AAAS: variants seen among roughly 807,000 people sequenced by gnomAD.
The protein encoded by AAAS is aladin WD repeat nucleoporin.
In AAAS, 60 loss-of-function variants were observed where a neutral mutation model predicts 75.6. That is an observed-to-expected ratio of 0.79 (90% confidence interval 0.64 to 0.98). AAAS has a LOEUF of 0.98. Among genes scored for constraint, AAAS ranks in the 50% least tolerant of loss-of-function variants. The pLI, the probability that AAAS is intolerant of heterozygous loss-of-function variation, is 0.00. For synonymous variants in AAAS, 271 were observed against 265.0 expected (o/e 1.02, Z -0.22); for missense variants, 658 against 686.9 (o/e 0.96, Z 0.47).
Position 53,320,658 on chromosome 12 carries a change from TC to T in AAAS, c.157del (p.Asp53IlefsTer3). 6.2e-7 allele frequency: 1 copy of T among 1,614,154 alleles called. No individual in the cohort carries two copies. The highest frequency in any genetic ancestry group is 8.5e-7 in the Non-Finnish European group (1 of 1,180,030). ...INLPVLQLTK[D>X]PLKTPGRLDH... is the part of the protein sequence containing the mutation. ...CAGCCTTCCAGGGGTCTTTAGGGGA[TC>T]CTTTGTCAGTTGTAGGACAGGAAGA... On this transcript the variant is annotated frameshift_variant, in exon 2 of 16. Coordinates refer to ENST00000209873, the MANE Select transcript of AAAS (RefSeq NM_015665.6). LOFTEE classifies it high-confidence loss of function.
At chr12:53,317,025 G>A (rs936916407) in intron 2 of AAAS, among the ~76,000 whole-genome samples, 2 of 152,084 alleles carry the variant, frequency 1.3e-5, no homozygotes, top group African/African-American at 4.8e-5. Context: ...TGACAATGCA[G>A]TGAGCCGTGT....
At chr12:53,312,130 T>C (rs560695918) in intron 7 of AAAS, among the ~76,000 whole-genome samples, 22 of 147,714 alleles carry the variant, frequency 1.5e-4, no homozygotes, top group Non-Finnish European at 3.3e-4. Flanking sequence ...GGAGAATCAC[T>C]TGAACCCGGG....
Position 53,315,091 on chromosome 12 carries a change from C to T in AAAS, c.446+3G>A. 1.2e-6 allele frequency: 2 copies of T among 1,614,162 alleles called. No homozygotes were observed. Among genetic ancestry groups the T allele is most frequent in the Non-Finnish European group, 1.7e-6 (2 of 1,180,032 alleles). ...CACAAAGCTCCAGGGCTTGTGCACT[C>T]ACCAATTTGTGACTTGGGCAAATTC... On this transcript the variant is annotated splice_donor_region_variant and intron_variant, in intron 5 of 15. Coordinates refer to ENST00000209873, the MANE Select transcript of AAAS (RefSeq NM_015665.6).
rs369629444 is a variant in AAAS at position 53,309,021 on chromosome 12, C to G, written c.936-1G>C. The G allele has an allele frequency of 5.0e-6, 8 of 1,614,108 alleles. No homozygotes were observed. The African/African-American group carries it at 9.3e-5, about 19-fold the overall frequency. ...AGTCCACATCTGGGCCTCCCAGACT[C>G]TGAGCCAGAGAAAAGCAAATTACAG... On this transcript the variant is annotated splice_acceptor_variant, in intron 9 of 15. Coordinates refer to ENST00000209873, the MANE Select transcript of AAAS (RefSeq NM_015665.6). LOFTEE classifies it high-confidence loss of function.
At chr12:53,316,725 C>A (rs1364430847) in intron 2 of AAAS, among the ~76,000 whole-genome samples, 16 of 133,278 alleles carry the variant, frequency 1.2e-4, no homozygotes, top group Non-Finnish European at 1.8e-4. Flanking sequence ...CGTGCCACCA[C>A]ACTCCAGCCT....
Position 53,308,478 on chromosome 12 carries a change from C to A in AAAS, c.1138G>T (p.Asp380Tyr). Residue 380 changes from aspartate (D) to tyrosine (Y), a missense_variant, in exon 12 of 16, where the codon GAT becomes TAT. Transcript: ENST00000209873. Reference protein sequence around the residue: ...GGAKSATIVADLSETTIQTPD... With the variant: ...GGAKSATIVAYLSETTIQTPD... Reference sequence around the variant, plus strand: ...GTCTGTATTGTTGTCTCAGACAGATCTGCCACAATCGTTGCTGACTTTGCA... The same window carrying A: ...GTCTGTATTGTTGTCTCAGACAGATATGCCACAATCGTTGCTGACTTTGCA... 6.2e-7 allele frequency: 1 copy of A among 1,614,214 alleles called. No homozygotes were observed. The highest frequency in any genetic ancestry group is 1.1e-5 in the South Asian group (1 of 91,090).
rs758598263 is a variant in AAAS at position 53,308,078 on chromosome 12, G to A, written c.1305C>T (p.Asn435=). Residue 435 remains asparagine (N), a synonymous_variant, in exon 14 of 16, where the codon AAC becomes AAT. Coordinates refer to ENST00000209873, the MANE Select transcript of AAAS (RefSeq NM_015665.6). ...AGGGAAGGAGCTCAAACACAGGGCT[G>A]TTTCGAGTGCGAAAAAGGAGGATGA... ...KPVILLFRTR[N]SPVFELLPCG... The A allele has an allele frequency of 3.1e-6, 5 of 1,614,244 alleles. No individual in the cohort carries two copies. The East Asian group carries it at 8.9e-5, about 29-fold the overall frequency.
intron 7 of AAAS, among the ~76,000 whole-genome samples, chr12:53,310,859 T>C (rs556583860): frequency 1.3e-4 from 20 of 152,266 alleles, no homozygotes; most frequent in Non-Finnish European, 2.8e-4. Flanking sequence ...GTGGCTCCAT[T>C]GTATACCACT....
In AAAS at chr12:53,307,682, G is replaced by C; in HGVS notation, c.1448C>G (p.Pro483Arg). The change falls in exon 16 of 16, where the codon CCG becomes CGG. Residue 483 changes from proline to arginine, a missense_variant. By Grantham distance (103) the Pro-to-Arg change is moderately radical. Coordinates refer to ENST00000209873, the MANE Select transcript of AAAS (RefSeq NM_015665.6). ...GWSTGRIAHIPLYFVNAQFPR... is the reference protein window; with the variant it reads ...GWSTGRIAHIRLYFVNAQFPR... The stretch of plus-strand genomic sequence containing the variant: ...AAACTGGGCATTGACAAAGTACAGC[G>C]GGATGTGGGCAATTCGGCCTGTGGA... 1.2e-6 allele frequency: 2 copies of C among 1,614,176 alleles called. No homozygotes were observed. The highest frequency in any genetic ancestry group is 1.7e-5 in the Admixed American group (1 of 60,030).
At position 53,308,967 on chromosome 12, in the gene AAAS, C is replaced by A; in HGVS notation, c.989G>T (p.Arg330Leu). The A allele has an allele frequency of 6.2e-7, 1 of 1,614,188 alleles. No individual in the cohort carries two copies. The highest frequency in any genetic ancestry group is 8.5e-7 in the Non-Finnish European group (1 of 1,180,032). The change falls in exon 10 of 16, where the codon CGC (arginine) becomes CTC (leucine). Residue 330 changes from arginine (R) to leucine (L), a missense_variant. By Grantham distance (102) the Arg-to-Leu change is moderately radical. Transcript: ENST00000209873. ...TCERWPTLSG[R>L]CQTGCWSPDG... The stretch of plus-strand genomic sequence containing the variant: ...ATCAGAGTCCCCTCTTACCTGACAG[C>A]GCCCTGATAGAGTAGGCCACCTCTC...
At position 53,315,325 on chromosome 12, in the gene AAAS, CCAAACTTA is replaced by C; in HGVS notation, c.399+2_399+9del. On this transcript the variant is annotated splice_donor_variant and splice_donor_5th_base_variant and intron_variant, in intron 4 of 15. Transcript: ENST00000209873. LOFTEE classifies it high-confidence loss of function. ...CAAATGCAGAGGGCTGGGGAGGAAGCCAAACTTACAGACAGATGGGGGAACAGGGACCC... is the reference window on the plus strand; with the variant it reads ...CAAATGCAGAGGGCTGGGGAGGAAGCCAGACAGATGGGGGAACAGGGACCC... 1.9e-6 allele frequency: 3 copies of C among 1,614,008 alleles called. No individual in the cohort carries two copies. Among genetic ancestry groups the C allele is most frequent in the Non-Finnish European group, 2.5e-6 (3 of 1,179,928 alleles).
chr12:53,315,126 A>G lies in AAAS; in HGVS notation c.414T>C (p.Asp138=), dbSNP rs11540353. The G allele has an allele frequency of 0.096, 155,554 of 1,613,894 alleles. 9,139 individuals are homozygous for G. Among genetic ancestry groups the G allele is most frequent in the Non-Finnish European group, 0.12 (136,551 of 1,179,834 alleles). The change falls in exon 5 of 16, where the codon GAT becomes GAC. Residue 138 remains aspartate, a synonymous_variant. Coordinates refer to ENST00000209873, the MANE Select transcript of AAAS (RefSeq NM_015665.6). ...TGACTTGGGCAAATTCAGCGATCAGATCTTCGCTCCTGAGCTGTAAGAACA... is the reference window on the plus strand; with the variant it reads ...TGACTTGGGCAAATTCAGCGATCAGGTCTTCGCTCCTGAGCTGTAAGAACA... The part of the protein sequence containing the change: ...LFPHLSLRSE[D]LIAEFAQVTN...
At chr12:53,320,733 C>G (rs374406641) in intron 1 of AAAS, 41 bp from the exon 2 acceptor site, 8 of 1,609,082 alleles carry the variant, frequency 5.0e-6, no homozygotes, top group Non-Finnish European at 6.8e-6. Context: ...GATTCAGTCT[C>G]TTCCCAAATC....
At position 53,321,557 on chromosome 12, in the gene AAAS, G is replaced by T; in HGVS notation, c.-92C>A. 2 of 1,599,846 alleles carry T rather than the reference G, an allele frequency of 1.3e-6. No individual in the cohort carries two copies. Among genetic ancestry groups the T allele is most frequent in the Non-Finnish European group, 1.7e-6 (2 of 1,175,300 alleles). On this transcript the variant is annotated 5_prime_UTR_variant, in exon 1 of 16. Coordinates refer to ENST00000209873, the MANE Select transcript of AAAS (RefSeq NM_015665.6). The stretch of plus-strand genomic sequence containing the variant: ...GCAACTCGGTTCCCGGGCTAGATTC[G>T]TATGCGGACGGGTACCGCAAGGGAC...
In AAAS at chr12:53,313,102, C is replaced by A. The variant is rs573568025; in HGVS notation, c.689+1196G>T. On this transcript the variant is annotated intron_variant, in intron 7 of 15. Coordinates refer to ENST00000209873, the MANE Select transcript of AAAS (RefSeq NM_015665.6). The stretch of plus-strand genomic sequence containing the variant: ...CTATCTCCTGACCTCATGATCCACC[C>A]GCCTCAGCCTCCCAAAGTGCTGGGA... Among the ~76,000 whole-genome samples the A allele has an allele frequency of 5.3e-5, 8 of 150,974 alleles. No individual in the cohort carries two copies. In the East Asian group the frequency reaches 1.6e-3, roughly 29 times the overall value.
In AAAS at chr12:53,308,345, C is replaced by T. The variant is rs1371113516; in HGVS notation, c.1186G>A (p.Gly396Arg). 4 of 1,614,064 alleles carry T rather than the reference C, an allele frequency of 2.5e-6. No individual in the cohort carries two copies. The South Asian group carries it at 4.4e-5, about 18-fold the overall frequency. Residue 396 changes from glycine to arginine, a missense_variant, in exon 13 of 16, where the codon GGG becomes AGG. Physicochemically the swap from Gly to Arg is moderately radical, Grantham distance 125. Transcript: ENST00000209873. Reference protein sequence around the residue: ...IQTPDGEERLGGEAHSMVWDP... With the variant: ...IQTPDGEERLRGEAHSMVWDP... ...CAGACCATGGAGTGAGCCTCTCCCC[C>T]AAGCCTGTGGGTAAGGACAGGTTAG...
intron 8 of AAAS, 146 bp downstream of exon 8, chr12:53,309,455 G>A (rs1944351849): frequency 7.2e-6 from 11 of 1,523,610 alleles, no homozygotes; most frequent in Middle Eastern, 2.3e-4. Context: ...TAAACCTCAC[G>A]AGTCTGATGG....
rs121918550 is a variant in AAAS, at chr12:53,309,624, A to G, written c.787T>C (p.Ser263Pro). The G allele has an allele frequency of 7.6e-5, 123 of 1,613,720 alleles. No homozygotes were observed. The highest frequency in any genetic ancestry group is 7.0e-5 in the Non-Finnish European group (83 of 1,179,936). Residue 263 changes from serine to proline, a missense_variant, in exon 8 of 16, where the codon TCA (serine) becomes CCA (proline). By Grantham distance (74) the Ser-to-Pro change is moderately conservative. Coordinates refer to ENST00000209873, the MANE Select transcript of AAAS (RefSeq NM_015665.6). ...APSGGRLLSA[S>P]PVDAAIRVWD... ...ACCCGGATAGCAGCATCCACGGGTGAAGCTGAGAGCAGCCGCCCCCCACTG... is the reference window on the plus strand; with the variant it reads ...ACCCGGATAGCAGCATCCACGGGTGGAGCTGAGAGCAGCCGCCCCCCACTG...
chr12:53,308,342 C>T lies in AAAS; in HGVS notation c.1189G>A (p.Gly397Arg), dbSNP rs144807171. ...TCCCAGACCATGGAGTGAGCCTCTCCCCCAAGCCTGTGGGTAAGGACAGGT... is the reference window on the plus strand; with the variant it reads ...TCCCAGACCATGGAGTGAGCCTCTCTCCCAAGCCTGTGGGTAAGGACAGGT... Reference protein sequence around the residue: ...QTPDGEERLGGEAHSMVWDPS... With the variant: ...QTPDGEERLGREAHSMVWDPS... Residue 397 changes from glycine (G) to arginine (R), a missense_variant, in exon 13 of 16, where the codon GGA (glycine) becomes AGA (arginine). Physicochemically the swap from Gly to Arg is moderately radical, Grantham distance 125. Coordinates refer to ENST00000209873, the MANE Select transcript of AAAS (RefSeq NM_015665.6). 37 of 1,614,052 alleles carry T rather than the reference C, an allele frequency of 2.3e-5. No individual in the cohort carries two copies. Among genetic ancestry groups the T allele is most frequent in the Non-Finnish European group, 3.0e-5 (35 of 1,180,034 alleles).
Sources: gnomAD v4.1 joint callset for allele counts (sites outside exome capture counted in the v4.1 genomes callset) on GRCh38, gnomAD v4.1.1 for gene constraint, MANE v1.5 for transcripts, NCBI Gene and HGNC (gene_info 2026-07-23, HGNC 2026-07-21) for gene names.